Variants in GBF1 observed in about 807,000 individuals in gnomAD.
GBF1 encodes golgi brefeldin A resistant guanine nucleotide exchange factor 1.
A neutral mutation model predicts 210.5 loss-of-function variants in GBF1; 114 were observed. That is an observed-to-expected ratio of 0.54 (90% CI 0.47 to 0.63). GBF1 has a LOEUF of 0.63. GBF1 is among the 30% of genes least tolerant of loss of function. GBF1 has a pLI of 0.00. For missense variants in GBF1, 1,851 were observed against 2,357.7 expected (o/e 0.79, Z 4.45); for synonymous variants, 850 against 889.2 (o/e 0.96, Z 0.78).
chr10:102,261,190 T>C (rs2134037779), intron 3 of GBF1, among the ~76,000 whole-genome samples: 1 of 152,312 alleles, frequency 6.6e-6, no homozygotes, highest in Non-Finnish European at 1.5e-5. Flanking sequence ...ATATTGCTTC[T>C]GTACATGTGA....
chr10:102,293,978 C>G (rs1399009852), intron 3 of GBF1, among the ~76,000 whole-genome samples: 1 of 151,512 alleles, frequency 6.6e-6, no homozygotes, highest in Non-Finnish European at 1.5e-5. Flanking sequence ...CGGGGTTTCA[C>G]CGTGTTAGCC....
At chr10:102,264,941 A>T (rs967451180) in intron 3 of GBF1, among the ~76,000 whole-genome samples, 1 of 152,208 alleles carries the variant, frequency 6.6e-6, no homozygotes, top group Admixed American at 6.5e-5. Context: ...TTCCAAAGAC[A>T]CATTTCCTTT....
At chr10:102,288,221 T>C (rs1179856483) in intron 3 of GBF1, among the ~76,000 whole-genome samples, 1 of 152,184 alleles carries the variant, frequency 6.6e-6, no homozygotes, top group African/African-American at 2.4e-5. Context: ...ATTCAGATAA[T>C]CCTTTGTGGT....
intron 3 of GBF1, among the ~76,000 whole-genome samples, chr10:102,288,326 ATATATAAT>A (rs1166346977): frequency 7.5e-6 from 1 of 133,252 alleles, no homozygotes; most frequent in Non-Finnish European, 1.7e-5. Flanking sequence ...TCAGACTGAG[ATATATAAT>A]GATATAATGA....
intron 3 of GBF1, among the ~76,000 whole-genome samples, chr10:102,301,093 G>A (rs1440684919): frequency 1.9e-4 from 29 of 151,552 alleles, no homozygotes; most frequent in Non-Finnish European, 3.8e-4. Flanking sequence ...CAAGTGAACA[G>A]AGGTCTCTGG....
intron 3 of GBF1, among the ~76,000 whole-genome samples, chr10:102,322,130 G>A (rs1033052679): frequency 6.6e-6 from 1 of 152,206 alleles, no homozygotes; most frequent in Non-Finnish European, 1.5e-5. Flanking sequence ...ACAGTGCTGG[G>A]ATTACAGGCG....
chr10:102,259,470 C>G (rs1006821273), intron 2 of GBF1, among the ~76,000 whole-genome samples: 11 of 152,072 alleles, frequency 7.2e-5, no homozygotes, highest in African/African-American at 2.7e-4. Context: ...CCATATCTTA[C>G]CAATCAGATG....
intron 3 of GBF1, among the ~76,000 whole-genome samples, chr10:102,293,904 A>T (rs1213280645): frequency 4.6e-5 from 7 of 150,940 alleles, no homozygotes; most frequent in African/African-American, 1.7e-4. Flanking sequence ...CAGCTTCCCG[A>T]GTAGCTGGGA....
At chr10:102,371,070 G>T (rs1041037219) in intron 29 of GBF1, among the ~76,000 whole-genome samples, 1 of 152,162 alleles carries the variant, frequency 6.6e-6, no homozygotes, top group African/African-American at 2.4e-5. Flanking sequence ...TGGCACCTCA[G>T]CCTCCTATGA....
intron 1 of GBF1, 138 bp from the exon 2 acceptor site, chr10:102,258,791 A>AG (rs1554942738): frequency 1.7e-4 from 80 of 476,586 alleles, no homozygotes; most frequent in African/African-American, 6.4e-4. Context: ...AAAAAAAAAA[A>AG]AAAGAAAGAA....
In GBF1 at chr10:102,362,514, C is replaced by T; in HGVS notation, c.1726C>T (p.Leu576=). Residue 576 remains leucine (L), a synonymous_variant, in exon 15 of 40, where the codon CTA becomes TTA. Coordinates refer to ENST00000369983, the MANE Select transcript of GBF1 (RefSeq NM_001377137.1). ...GTCTGGTCAACTCTATACAACACAC[C>T]TACTATCTCTTGATGCCCTATTGAC... ...PVSGQLYTTH[L]LSLDALLTVI... 6.2e-7 allele frequency: 1 copy of T among 1,613,926 alleles called. No homozygotes were observed. The highest frequency in any genetic ancestry group is 8.5e-7 in the Non-Finnish European group (1 of 1,179,776).
chr10:102,283,083 A>C (rs115161282), intron 3 of GBF1, among the ~76,000 whole-genome samples: 23 of 152,324 alleles, frequency 1.5e-4, no homozygotes, highest in African/African-American at 5.5e-4. Context: ...GGAGTCACTC[A>C]TCTTGCCCAG....
intron 36 of GBF1, 120 bp downstream of exon 36, chr10:102,380,074 T>G (rs1391099081): frequency 2.9e-5 from 22 of 755,122 alleles, no homozygotes; most frequent in Non-Finnish European, 2.3e-6. Flanking sequence ...CCCCCAGCTA[T>G]GGACACTAAG....
At chr10:102,341,809 A>C (rs2058198860) in intron 3 of GBF1, among the ~76,000 whole-genome samples, 1 of 152,134 alleles carries the variant, frequency 6.6e-6, no homozygotes, top group Admixed American at 6.6e-5. Flanking sequence ...CATATATAAA[A>C]CTGCCCTACT....
At chr10:102,268,781 C>G (rs1444154936) in intron 3 of GBF1, among the ~76,000 whole-genome samples, 1 of 152,186 alleles carries the variant, frequency 6.6e-6, no homozygotes, top group Admixed American at 6.5e-5. Flanking sequence ...TTCATAGATA[C>G]TTAGTTGATA....
rs537841221 is a variant in GBF1, at chr10:102,253,924, T to C, written c.-10-5005T>C. On this transcript the variant is annotated intron_variant, in intron 1 of 39. Transcript: ENST00000369983. ...TAATGAAGCTAATAATCTTTTCATA[T>C]ATTTATTTGCTGTTTATGTTTCCTA... is the stretch of plus-strand genomic sequence containing the variant. Among the ~76,000 whole-genome samples the C allele has an allele frequency of 2.6e-5, 4 of 152,348 alleles. No individual in the cohort carries two copies. The South Asian group carries it at 8.3e-4, about 32-fold the overall frequency.
At chr10:102,344,240 G>C in intron 4 of GBF1, 58 bp downstream of exon 4, 1 of 1,559,540 alleles carries the variant, frequency 6.4e-7, no homozygotes, top group Non-Finnish European at 8.8e-7. Flanking sequence ...CTTTCCTGGG[G>C]TGCCCAGGCC....
intron 8 of GBF1, among the ~76,000 whole-genome samples, chr10:102,354,766 C>T (rs985205954): frequency 6.6e-6 from 1 of 152,124 alleles, no homozygotes; most frequent in African/African-American, 2.4e-5. Flanking sequence ...TCTAGGGAAA[C>T]CGTGAGGGAC....
intron 3 of GBF1, among the ~76,000 whole-genome samples, chr10:102,273,735 T>G (rs1418736972): frequency 6.6e-6 from 1 of 152,252 alleles, no homozygotes; most frequent in East Asian, 1.9e-4. Flanking sequence ...CAGTTCTATT[T>G]AGATGGTTGT....
Sources: allele counts gnomAD v4.1 joint callset (sites outside exome capture counted in the v4.1 genomes callset), GRCh38; gene constraint gnomAD v4.1.1; transcripts MANE v1.5; gene names NCBI Gene and HGNC (gene_info 2026-07-23, HGNC 2026-07-21).